The following NPFFR2 variants were observed in gnomAD, a reference collection of about 807,000 sequenced individuals.
NPFFR2 encodes the protein neuropeptide FF receptor 2.
NPFFR2 carries 15 observed loss-of-function variants against 13.1 expected under a neutral mutation model. That is an observed-to-expected ratio of 1.15 (90% CI 0.77 to 1.76). NPFFR2 has a LOEUF of 1.76. NPFFR2 is among the 40% of genes most tolerant of loss of function. The probability of loss-of-function intolerance (pLI) is 0.00; values close to 1 mark genes in which losing one functional copy is unlikely to be tolerated. For missense variants in NPFFR2, 572 were observed against 503.5 expected, an observed-to-expected ratio of 1.14 and a Z score of -1.30; for synonymous variants, 190 against 175.7, an observed-to-expected ratio of 1.08 and a Z score of -0.65.
At chr4:72,138,498 G>A (rs1000292026) in intron 3 of NPFFR2, among the ~76,000 whole-genome samples, 2 of 150,794 alleles carry the variant, frequency 1.3e-5, no homozygotes, top group African/African-American at 4.9e-5. Flanking sequence ...ACCTATGAGT[G>A]AGAACATGTG....
chr4:72,088,804 C>T (rs1331877447), intron 1 of NPFFR2, among the ~76,000 whole-genome samples: 2 of 152,048 alleles, frequency 1.3e-5, no homozygotes, highest in Non-Finnish European at 2.9e-5. Context: ...TTCCACCAGG[C>T]CCCTCCCTTG....
intron 1 of NPFFR2, among the ~76,000 whole-genome samples, chr4:72,059,617 G>A (rs1008035547): frequency 6.6e-6 from 1 of 151,976 alleles, no homozygotes; most frequent in African/African-American, 2.4e-5. Flanking sequence ...ACTATCTTTG[G>A]GGAGGAGAAA....
intron 2 of NPFFR2, among the ~76,000 whole-genome samples, chr4:72,133,772 T>C (rs867731474): frequency 6.6e-6 from 1 of 152,178 alleles, no homozygotes; most frequent in South Asian, 2.1e-4. Flanking sequence ...TGTGGAAATT[T>C]TGAATGAGAT....
At chr4:72,067,380 G>A (rs1025435154) in intron 1 of NPFFR2, among the ~76,000 whole-genome samples, 11 of 152,130 alleles carry the variant, frequency 7.2e-5, no homozygotes, top group African/African-American at 2.7e-4. Flanking sequence ...CTGTTCTCAA[G>A]GCCTAGCACT....
At chr4:72,091,151 G>A (rs1720909399) in intron 1 of NPFFR2, among the ~76,000 whole-genome samples, 1 of 152,046 alleles carries the variant, frequency 6.6e-6, no homozygotes, top group South Asian at 2.1e-4. Flanking sequence ...ACTTGTGTAT[G>A]TTCAACCAGC....
intron 1 of NPFFR2, among the ~76,000 whole-genome samples, chr4:72,083,492 C>T (rs1720686928): frequency 7.2e-6 from 1 of 137,940 alleles, no homozygotes; most frequent in African/African-American, 2.8e-5. Context: ...TATTTGCCAT[C>T]AGTGACAACT....
Position 72,047,364 on chromosome 4 carries a change from G to A in NPFFR2, c.-8+15164G>A, listed in dbSNP as rs75871355. The stretch of plus-strand genomic sequence containing the variant: ...ATAGGCCCAGAGCTGTAGGAGGGCA[G>A]AATGGTTTCTGGTGATGGTCTTGAA... On this transcript the variant is annotated intron_variant, in intron 1 of 3. Transcript: ENST00000308744. 4.8e-3 allele frequency among the ~76,000 whole-genome samples: 726 copies of A among 152,254 alleles called. 5 individuals are homozygous for A. Among genetic ancestry groups the A allele is most frequent in the African/African-American group, 0.016 (670 of 41,562 alleles).
At chr4:72,102,211 C>G (rs181996758) in intron 1 of NPFFR2, among the ~76,000 whole-genome samples, 1 of 151,992 alleles carries the variant, frequency 6.6e-6, no homozygotes, top group Non-Finnish European at 1.5e-5. Context: ...ATTACGAGAT[C>G]AATTGGGTCC....
intron 1 of NPFFR2, among the ~76,000 whole-genome samples, chr4:72,084,455 C>T (rs1473707035): frequency 6.6e-6 from 1 of 152,100 alleles, no homozygotes; most frequent in Non-Finnish European, 1.5e-5. Context: ...TTGAGACTTT[C>T]CTCAAGGAAT....
chr4:72,111,093 A>G (rs1721554281), intron 1 of NPFFR2, among the ~76,000 whole-genome samples: 1 of 151,962 alleles, frequency 6.6e-6, no homozygotes, highest in Admixed American at 6.6e-5. Context: ...GGCTATGGAT[A>G]TTATCTGAGC....
chr4:72,102,318 T>TA (rs1392224426), intron 1 of NPFFR2, among the ~76,000 whole-genome samples: 1 of 152,126 alleles, frequency 6.6e-6, no homozygotes, highest in African/African-American at 2.4e-5. Context: ...GAAAGTATAC[T>TA]AAAAAATCTT....
At chr4:72,121,589 C>T (rs923823636) in intron 1 of NPFFR2, among the ~76,000 whole-genome samples, 16 of 152,120 alleles carry the variant, frequency 1.1e-4, no homozygotes, top group Admixed American at 9.2e-4. Flanking sequence ...AGAGTAGGGG[C>T]CAATATTCAA....
intron 1 of NPFFR2, among the ~76,000 whole-genome samples, chr4:72,097,741 A>C (rs1313467371): frequency 2.0e-5 from 3 of 152,170 alleles, no homozygotes; most frequent in Non-Finnish European, 4.4e-5. Context: ...TACTTCTGAG[A>C]TGTATCTAAT....
In NPFFR2 at chr4:72,080,859, A is replaced by C. The variant is rs762024060; in HGVS notation, c.-7-47726A>C. ...GCTCGGCTTTTCCTCACTTTCCTCT[A>C]CTCCACCAGCTCTTCTTCCCAACTG... On this transcript the variant is annotated intron_variant, in intron 1 of 3. Transcript: ENST00000308744. Among the ~76,000 whole-genome samples, 22 of 146,910 alleles carry C rather than the reference A, an allele frequency of 1.5e-4. 1 individual carries two copies. The highest frequency in any genetic ancestry group is 5.5e-4 in the African/African-American group (20 of 36,674).
At chr4:72,093,695 T>C (rs1294971577) in intron 1 of NPFFR2, among the ~76,000 whole-genome samples, 1 of 152,182 alleles carries the variant, frequency 6.6e-6, no homozygotes, top group African/African-American at 2.4e-5. Context: ...GATTGTTTTT[T>C]ATTCATGCTA....
At chr4:72,108,203 G>A (rs537631431) in intron 1 of NPFFR2, among the ~76,000 whole-genome samples, 1 of 152,080 alleles carries the variant, frequency 6.6e-6, no homozygotes, top group Non-Finnish European at 1.5e-5. Context: ...TTGTATGACA[G>A]TTTCCAGGGA....
Position 72,057,149 on chromosome 4 carries a change from C to T in NPFFR2, c.-8+24949C>T, listed in dbSNP as rs117622313. 1.9e-3 allele frequency among the ~76,000 whole-genome samples: 294 copies of T among 150,880 alleles called. 11 individuals are homozygous for T. In the East Asian group the frequency reaches 0.054, roughly 28 times the overall value. On this transcript the variant is annotated intron_variant, in intron 1 of 3. Transcript: ENST00000308744. ...ATATTGGATTGCCAACTAACAAATA[C>T]AAAAGAAATAATAGAATTTAAAAAT...
At chr4:72,146,422 T>C (rs1722783679) in intron 3 of NPFFR2, 1 of 152,278 alleles carries the variant, frequency 6.6e-6, no homozygotes, top group Admixed American at 6.5e-5. Flanking sequence ...TGTTTGCTAA[T>C]ATCCTATTGG....
intron 1 of NPFFR2, among the ~76,000 whole-genome samples, chr4:72,091,015 C>T (rs116252273): frequency 0.011 from 1,659 of 151,960 alleles, 36 homozygotes; most frequent in African/African-American, 0.038. Flanking sequence ...GGGTTTTAAT[C>T]ATAAACGTTA....
Sources: gnomAD v4.1 joint callset for allele counts (sites outside exome capture counted in the v4.1 genomes callset) on GRCh38, gnomAD v4.1.1 for gene constraint, MANE v1.5 for transcripts, NCBI Gene and HGNC (gene_info 2026-07-23, HGNC 2026-07-21) for gene names.